Variants in ELAVL2 observed in about 807,000 individuals in gnomAD.
ELAVL2 encodes the protein ELAV like RNA binding protein 2.
Under a neutral mutation model 34.6 loss-of-function variants are expected in ELAVL2, and 4 were observed. The observed-to-expected ratio is 0.12, with a 90% CI of 0.06 to 0.26. The LOEUF (loss-of-function observed/expected upper bound fraction) is 0.26. ELAVL2 is among the 10% of genes least tolerant of loss of function. The pLI, the probability that ELAVL2 is intolerant of heterozygous loss-of-function variation, is 1.00. For missense variants in ELAVL2, 432 were observed against 442.8 expected (o/e 0.98, Z 0.22); for synonymous variants, 193 against 154.8 (o/e 1.25, Z -1.83).
In ELAVL2 at chr9:23,699,839, T is replaced by A. The variant is rs1255313549; in HGVS notation, c.713+1540A>T. Among the ~76,000 whole-genome samples the A allele has an allele frequency of 1.7e-4, 18 of 104,544 alleles. 1 individual carries two copies. The highest frequency in any genetic ancestry group is 5.8e-4 in the African/African-American group (15 of 25,730). The allele number at this position is 104,544 out of a possible 152,430, so 68.6% of individuals were successfully genotyped here. On this transcript the variant is annotated intron_variant, in intron 5 of 6. Transcript: ENST00000397312. ...TTTTTTTTTTTTTTTTTTTTTTTTT[T>A]TTTTTTTTTTTTTAATACCAATGCC...
Position 23,699,812 on chromosome 9 carries a change from GTTTTTTTT to G in ELAVL2, c.713+1559_713+1566del, listed in dbSNP as rs199637833. Among the ~76,000 whole-genome samples, 107 of 82,970 alleles carry G rather than the reference GTTTTTTTT, an allele frequency of 1.3e-3. 1 individual carries two copies. The highest frequency in any genetic ancestry group is 4.4e-3 in the African/African-American group (100 of 22,932). The allele number at this position is 82,970 out of a possible 152,430, so 54.4% of individuals were successfully genotyped here. A position where few individuals can be genotyped will look rare whatever the true frequency, so the allele number is the denominator to read the frequency against. On this transcript the variant is annotated intron_variant, in intron 5 of 6. Transcript: ENST00000397312. ...CCATGGGAAGTCAAAGGTGGCAAAG[GTTTTTTTT>G]TTTTTTTTTTTTTTTTTTTTTTTTT...
rs546233073 is a variant in ELAVL2, at chr9:23,788,725, A to G, written c.-15-26476T>C. Reference sequence around the variant, plus strand: ...TTGTGCTTTGGGGCCGCTGAAAGTAAAAGAAGGGCTACTTGAACACGAGCA... The same window carrying G: ...TTGTGCTTTGGGGCCGCTGAAAGTAGAAGAAGGGCTACTTGAACACGAGCA... On this transcript the variant is annotated intron_variant, in intron 1 of 6. Coordinates refer to ENST00000397312, the MANE Select transcript of ELAVL2 (RefSeq NM_004432.5). Among the ~76,000 whole-genome samples, 3 of 152,284 alleles carry G rather than the reference A, an allele frequency of 2.0e-5. No individual in the cohort carries two copies. In the South Asian group the frequency reaches 6.2e-4, roughly 32 times the overall value.
chr9:23,795,057 G>C (rs1399260327), intron 1 of ELAVL2, among the ~76,000 whole-genome samples: 11 of 151,946 alleles, frequency 7.2e-5, no homozygotes, highest in African/African-American at 2.7e-4. Context: ...ACAAACTAAA[G>C]GAGTAAAATA....
At chr9:23,731,969 A>G (rs1011325120) in intron 2 of ELAVL2, among the ~76,000 whole-genome samples, 3 of 152,182 alleles carry the variant, frequency 2.0e-5, no homozygotes, top group Non-Finnish European at 4.4e-5. Flanking sequence ...AGTTGCATCA[A>G]TGGAATGCAA....
Position 23,753,555 on chromosome 9 carries a change from C to T in ELAVL2, c.229+8451G>A, listed in dbSNP as rs972500772. 6.6e-5 allele frequency among the ~76,000 whole-genome samples: 10 copies of T among 152,058 alleles called. No individual in the cohort carries two copies. The South Asian group carries it at 1.2e-3, about 19-fold the overall frequency. ...ATGGGGGGTATAAATCATTTTCATA[C>T]CAAAGAAACAGAATTTTAAAATTCT... is the stretch of plus-strand genomic sequence containing the variant. On this transcript the variant is annotated intron_variant, in intron 2 of 6. Transcript: ENST00000397312.
intron 2 of ELAVL2, among the ~76,000 whole-genome samples, chr9:23,742,395 C>T (rs1048603035): frequency 6.6e-6 from 1 of 152,164 alleles, no homozygotes; most frequent in Non-Finnish European, 1.5e-5. Flanking sequence ...GTAGCAACTG[C>T]AAAATTACAC....
chr9:23,805,411 C>A (rs1279363911), intron 1 of ELAVL2, among the ~76,000 whole-genome samples: 6 of 152,174 alleles, frequency 3.9e-5, no homozygotes, highest in Non-Finnish European at 8.8e-5. Context: ...AGGATCACAA[C>A]CCTGCTGCTG....
chr9:23,701,637 AG>A (rs1563947797), intron 4 of ELAVL2, 33 bp from the exon 5 acceptor site: 1 of 1,601,172 alleles, frequency 6.2e-7, no homozygotes, highest in South Asian at 1.1e-5. Flanking sequence ...TTTGGAAAAG[AG>A]GGAACAGAAG....
intron 1 of ELAVL2, among the ~76,000 whole-genome samples, chr9:23,789,449 A>G (rs573646518): frequency 6.6e-6 from 1 of 152,342 alleles, no homozygotes; most frequent in East Asian, 1.9e-4. Flanking sequence ...TTCTTGAGGC[A>G]TAGTATTGAG....
At chr9:23,741,628 T>C (rs1275052808) in intron 2 of ELAVL2, among the ~76,000 whole-genome samples, 1 of 152,090 alleles carries the variant, frequency 6.6e-6, no homozygotes, top group Non-Finnish European at 1.5e-5. Context: ...GAGTCCCCAC[T>C]GCAAAATCCT....
At chr9:23,847,174 A>G in the ELAVL2 span, 4 of 152,160 alleles carry the variant, frequency 2.6e-5, no homozygotes, top group Admixed American at 2.6e-4. Context: ...TAGGATACAT[A>G]CTACATTTAA....
At chr9:23,767,179 C>T (rs143975472) in intron 1 of ELAVL2, among the ~76,000 whole-genome samples, 92 of 152,256 alleles carry the variant, frequency 6.0e-4, no homozygotes, top group Non-Finnish European at 1.2e-3. Flanking sequence ...TACTTTTATA[C>T]ACACAGGTAC....
intron 5 of ELAVL2, among the ~76,000 whole-genome samples, chr9:23,696,686 G>T (rs989919898): frequency 1.3e-5 from 2 of 151,854 alleles, no homozygotes; most frequent in Non-Finnish European, 1.5e-5. Context: ...TAGCCATGAT[G>T]GTCTCGATCT....
the ELAVL2 span, among the ~76,000 whole-genome samples, chr9:23,842,892 C>T: frequency 1.3e-5 from 2 of 152,148 alleles, no homozygotes; most frequent in Admixed American, 1.3e-4. Flanking sequence ...TTCAATAAAG[C>T]GATGTTTAAA....
At chr9:23,728,511 A>C (rs572506485) in intron 3 of ELAVL2, among the ~76,000 whole-genome samples, 1 of 152,130 alleles carries the variant, frequency 6.6e-6, no homozygotes, top group Non-Finnish European at 1.5e-5. Context: ...TGATAGGGTA[A>C]AACAGTAGAG....
At chr9:23,705,287 G>T (rs755889540) in intron 3 of ELAVL2, among the ~76,000 whole-genome samples, 1 of 152,102 alleles carries the variant, frequency 6.6e-6, no homozygotes, top group East Asian at 1.9e-4. Flanking sequence ...ACAGGGAAGA[G>T]TATCTGTAAT....
chr9:23,829,075 A>C (rs947946244), upstream of ELAVL2, among the ~76,000 whole-genome samples: 7 of 152,254 alleles, frequency 4.6e-5, no homozygotes, highest in Admixed American at 4.6e-4. Flanking sequence ...TTTGCATTAG[A>C]AAGTATTTAA....
At chr9:23,731,271 C>T in intron 2 of ELAVL2, 146 bp from the exon 3 acceptor site, 1 of 614,788 alleles carries the variant, frequency 1.6e-6, no homozygotes, top group East Asian at 3.0e-5. Flanking sequence ...TAGAAATATA[C>T]ATGAAGTCTT....
chr9:23,787,009 G>GT (rs2137051973), intron 1 of ELAVL2, among the ~76,000 whole-genome samples: 1 of 152,172 alleles, frequency 6.6e-6, no homozygotes, highest in South Asian at 2.1e-4. Flanking sequence ...ACATCACTGA[G>GT]GAACTTGGAC....
Sources: allele counts gnomAD v4.1 joint callset (sites outside exome capture counted in the v4.1 genomes callset), GRCh38; gene constraint gnomAD v4.1.1; transcripts MANE v1.5; gene names NCBI Gene and HGNC (gene_info 2026-07-23, HGNC 2026-07-21).